LMTK2: variants seen among roughly 807,000 people sequenced by gnomAD.
LMTK2 encodes the protein lemur tail kinase 2, also known as serine/threonine-protein kinase LMTK2.
Under a neutral mutation model 127.5 loss-of-function variants are expected in LMTK2, and 37 were observed. The observed-to-expected ratio is 0.29, with a 90% CI of 0.22 to 0.38. The LOEUF (loss-of-function observed/expected upper bound fraction) is 0.38, where lower values mean the gene tolerates loss of function less well. Among genes scored for constraint, LMTK2 ranks in the 10% least tolerant of loss-of-function variants. The pLI is 1.00. For synonymous variants in LMTK2, 819 were observed against 810.1 expected (o/e 1.01, Z -0.19); for missense variants, 1,694 against 1,920.3 (o/e 0.88, Z 2.20).
At chr7:98,200,727 C>G (rs1797693264) in intron 11 of LMTK2, among the ~76,000 whole-genome samples, 1 of 152,134 alleles carries the variant, frequency 6.6e-6, no homozygotes, top group Non-Finnish European at 1.5e-5. Context: ...CACACATCCT[C>G]CTGCAGACTT....
Position 98,206,080 on chromosome 7 carries a change from TTC to T in LMTK2, c.*590_*591del, listed in dbSNP as rs1797793178. 1 of 154,112 alleles carries T rather than the reference TTC, an allele frequency of 6.5e-6. No homozygotes were observed. The highest frequency in any genetic ancestry group is 1.4e-5 in the Non-Finnish European group (1 of 69,028). The allele number at this position is 154,112 out of a possible 1,614,324, so 9.5% of individuals were successfully genotyped here. ...ATGCTAGCCACTAGTTTGATTTTTT[TTC>T]TGTTTTATAGTTTGCGCTGCATGGT... On this transcript the variant is annotated 3_prime_UTR_variant, in exon 14 of 14. Transcript: ENST00000297293.
chr7:98,131,775 A>G (rs1268056620), intron 1 of LMTK2, among the ~76,000 whole-genome samples: 2 of 152,208 alleles, frequency 1.3e-5, no homozygotes, highest in Non-Finnish European at 2.9e-5. Flanking sequence ...CCCAGTGGCC[A>G]CAGTTTCCTG....
rs1435805026 is a variant in LMTK2, at chr7:98,200,534, CCACAGGACTTAGTATG to C, written c.4108-3033_4108-3018del. Among the ~76,000 whole-genome samples, 18 of 152,300 alleles carry C rather than the reference CCACAGGACTTAGTATG, an allele frequency of 1.2e-4. No homozygotes were observed. In the East Asian group the frequency reaches 3.5e-3, roughly 29 times the overall value. ...GTATATGTGGGTTCCGCAAGGCTAACCACAGGACTTAGTATGCACAGGTGTGGTTATGCACGGGTGG... is the reference window on the plus strand; with the variant it reads ...GTATATGTGGGTTCCGCAAGGCTAACCACAGGTGTGGTTATGCACGGGTGG... On this transcript the variant is annotated intron_variant, in intron 11 of 13. Transcript: ENST00000297293.
chr7:98,209,635 T>C lies in LMTK2; in HGVS notation c.*4143T>C, dbSNP rs1214963418. The stretch of plus-strand genomic sequence containing the variant: ...TAAATATAGTTATATATTTATAAAC[T>C]CTGTTGGCCGCGTTTCTTCTGTGTT... On this transcript the variant is annotated 3_prime_UTR_variant, in exon 14 of 14. Coordinates refer to ENST00000297293, the MANE Select transcript of LMTK2 (RefSeq NM_014916.4). The C allele has an allele frequency of 6.6e-6, 1 of 152,200 alleles. No homozygotes were observed. The highest frequency in any genetic ancestry group is 2.4e-5 in the African/African-American group (1 of 41,438). The allele number at this position is 152,200 out of a possible 1,614,324, so 9.4% of individuals were successfully genotyped here.
chr7:98,174,636 G>A (rs1314661154), intron 7 of LMTK2, among the ~76,000 whole-genome samples: 1 of 152,200 alleles, frequency 6.6e-6, no homozygotes, highest in Non-Finnish European at 1.5e-5. Context: ...AGTGACTCAT[G>A]GAGCTGGAGA....
At chr7:98,167,170 G>A (rs1461966168) in intron 6 of LMTK2, among the ~76,000 whole-genome samples, 2 of 152,192 alleles carry the variant, frequency 1.3e-5, no homozygotes, top group African/African-American at 2.4e-5. Flanking sequence ...TTAACCTGTA[G>A]GGCATCATTT....
At chr7:98,126,439 AC>A (rs1222491840) in intron 1 of LMTK2, 1 of 152,204 alleles carries the variant, frequency 6.6e-6, no homozygotes, top group Non-Finnish European at 1.5e-5. Flanking sequence ...GTGTGGAACC[AC>A]CATTCAAAGC....
At chr7:98,172,210 T>C (rs1797204017) in intron 7 of LMTK2, among the ~76,000 whole-genome samples, 1 of 151,594 alleles carries the variant, frequency 6.6e-6, no homozygotes, top group Non-Finnish European at 1.5e-5. Flanking sequence ...CGCTCCCGGG[T>C]GGGTAGTCAG....
In LMTK2 at chr7:98,171,138, G is replaced by T. The variant is rs375470744; in HGVS notation, c.658-403G>T. Among the ~76,000 whole-genome samples, 3 of 152,082 alleles carry T rather than the reference G, an allele frequency of 2.0e-5. No homozygotes were observed. Among genetic ancestry groups the T allele is most frequent in the African/African-American group, 7.2e-5 (3 of 41,400 alleles). ...CTTTGGCAGTAACCACGGCGCCTTC[G>T]TGATGAAGCGCTCACTGCCCAGGGG... On this transcript the variant is annotated intron_variant, in intron 6 of 13. Coordinates refer to ENST00000297293, the MANE Select transcript of LMTK2 (RefSeq NM_014916.4). The surrounding 1 kb of genome is among the most constrained non-coding windows in gnomAD (Gnocchi z 5.1).
At chr7:98,137,524 G>A in intron 2 of LMTK2, 82 bp downstream of exon 2, 1 of 1,362,300 alleles carries the variant, frequency 7.3e-7, no homozygotes, top group Non-Finnish European at 9.9e-7. Context: ...AGTCCTTTGG[G>A]AACAGGATCA....
chr7:98,109,790 G>A (rs1796173640), intron 1 of LMTK2, among the ~76,000 whole-genome samples: 1 of 148,540 alleles, frequency 6.7e-6, no homozygotes, highest in Admixed American at 6.7e-5. Context: ...ATCAGACATA[G>A]ATATTCAGGG....
chr7:98,131,781 T>C (rs925767474), intron 1 of LMTK2, among the ~76,000 whole-genome samples: 4 of 152,188 alleles, frequency 2.6e-5, no homozygotes, highest in African/African-American at 4.8e-5. Context: ...GGCCACAGTT[T>C]CCTGATCCCT....
At chr7:98,147,368 G>T (rs183572871) in intron 3 of LMTK2, among the ~76,000 whole-genome samples, 2 of 152,166 alleles carry the variant, frequency 1.3e-5, no homozygotes, top group Non-Finnish European at 2.9e-5. Flanking sequence ...ACAGGTGCAC[G>T]CTACCACTCC....
chr7:98,138,952 A>C (rs1045026372), intron 2 of LMTK2, among the ~76,000 whole-genome samples: 2 of 152,062 alleles, frequency 1.3e-5, no homozygotes, highest in African/African-American at 4.8e-5. Flanking sequence ...GAGTATTTCC[A>C]TCTGTGATTT....
At chr7:98,131,329 TG>T (rs1170069481) in intron 1 of LMTK2, among the ~76,000 whole-genome samples, 9 of 152,168 alleles carry the variant, frequency 5.9e-5, no homozygotes, top group African/African-American at 2.2e-4. Context: ...TTGGAATTGG[TG>T]GGTAGGTCGT....
At chr7:98,156,571 A>AG (rs1796929265) in intron 5 of LMTK2, among the ~76,000 whole-genome samples, 2 of 152,248 alleles carry the variant, frequency 1.3e-5, no homozygotes, top group African/African-American at 4.8e-5. Context: ...GTAAAATGAT[A>AG]GAGCCACTGT....
At chr7:98,204,862 C>T (rs924401243) in intron 13 of LMTK2, among the ~76,000 whole-genome samples, 9 of 152,214 alleles carry the variant, frequency 5.9e-5, no homozygotes, top group Admixed American at 5.2e-4. Flanking sequence ...ACCTGCTCTT[C>T]AGCAGGCTCG....
chr7:98,115,508 T>G (rs1399366527), intron 1 of LMTK2, among the ~76,000 whole-genome samples: 1 of 151,654 alleles, frequency 6.6e-6, no homozygotes, highest in Non-Finnish European at 1.5e-5. Context: ...CTGGCTGAAA[T>G]CAAGAAAGGT....
chr7:98,192,335 G>C lies in LMTK2; in HGVS notation c.1870G>C (p.Val624Leu). The C allele has an allele frequency of 6.4e-7, 1 of 1,572,086 alleles. No individual in the cohort carries two copies. Among genetic ancestry groups the C allele is most frequent in the Non-Finnish European group, 8.6e-7 (1 of 1,163,754 alleles). Residue 624 changes from valine to leucine, a missense_variant, in exon 11 of 14, where the codon GTG (valine) becomes CTG (leucine). This residue lies in a region of LMTK2 where 527 missense variants were observed against 539.8 expected (regional missense o/e 0.98). Transcript: ENST00000297293. ...KDSSLPGDLHVTSGPESPFNN... is the reference protein window; with the variant it reads ...KDSSLPGDLHLTSGPESPFNN... ...CTCTAGCTTACCAGGGGACTTACAC[G>C]TGACCAGTGGCCCCGAGAGCCCTTT...
Sources: gnomAD v4.1 joint callset for allele counts (sites outside exome capture counted in the v4.1 genomes callset) on GRCh38, gnomAD v4.1.1 for gene constraint, gnomAD v4.1.1 regional missense constraint, Gnocchi (gnomAD v3.1) non-coding constraint, MANE v1.5 for transcripts, NCBI Gene and HGNC (gene_info 2026-07-23, HGNC 2026-07-21) for gene names.